The following VSIG10 variants were observed in gnomAD, a reference collection of about 807,000 sequenced individuals.
VSIG10 encodes the protein V-set and immunoglobulin domain containing 10.
Under a neutral mutation model 58.7 loss-of-function variants are expected in VSIG10, and 48 were observed. The observed-to-expected ratio is 0.82, with a 90% CI of 0.65 to 1.04. The LOEUF (loss-of-function observed/expected upper bound fraction) is 1.04, where lower values mean the gene tolerates loss of function less well. Ranked by LOEUF, VSIG10 falls within the 50% of genes least tolerant of loss-of-function variation. The pLI, the probability that VSIG10 is intolerant of heterozygous loss-of-function variation, is 0.00. For synonymous variants in VSIG10, 260 were observed against 267.1 expected (o/e 0.97, Z 0.26); for missense variants, 628 against 670.0 (o/e 0.94, Z 0.69).
intron 2 of VSIG10, among the ~76,000 whole-genome samples, chr12:118,086,252 C>T (rs1251947276): frequency 2.0e-5 from 3 of 151,930 alleles, no homozygotes; most frequent in Non-Finnish European, 4.4e-5. Flanking sequence ...CACTTGAGGT[C>T]AGGAGTTCAA....
intron 2 of VSIG10, among the ~76,000 whole-genome samples, chr12:118,088,692 C>T (rs906726613): frequency 6.6e-6 from 1 of 152,092 alleles, no homozygotes; most frequent in Non-Finnish European, 1.5e-5. Context: ...AGAGAGGAGT[C>T]TGCTGTTTAG....
At chr12:118,070,584 A>G (rs1002750844) in intron 7 of VSIG10, among the ~76,000 whole-genome samples, 10 of 152,018 alleles carry the variant, frequency 6.6e-5, no homozygotes, top group African/African-American at 2.2e-4. Context: ...AAAAGAAAAA[A>G]AAACTTAAGA....
At chr12:118,069,973 G>C (rs2064020601) in intron 7 of VSIG10, among the ~76,000 whole-genome samples, 1 of 152,128 alleles carries the variant, frequency 6.6e-6, no homozygotes, top group African/African-American at 2.4e-5. Flanking sequence ...CCTCCAGTGA[G>C]AAATAAGCCC....
Position 118,068,537 on chromosome 12 carries a change from C to G in VSIG10, c.1407G>C (p.Glu469Asp). The G allele has an allele frequency of 6.2e-7, 1 of 1,605,384 alleles. No homozygotes were observed. Among genetic ancestry groups the G allele is most frequent in the Non-Finnish European group, 8.5e-7 (1 of 1,175,450 alleles). ...CTGCAGCATCTTCCTCCTCCTCCTC[C>G]TCCTCCTCCTCTTCCTCTTCTGAAT... The part of the protein sequence containing the change: ...LVDSEEEEEE[E>D]EEEEEDAAVG... The change falls in exon 8 of 9, where the codon GAG becomes GAC. Residue 469 changes from glutamate (E) to aspartate (D), a missense_variant. Physicochemically the swap from Glu to Asp is conservative, Grantham distance 45. Coordinates refer to ENST00000359236, the MANE Select transcript of VSIG10 (RefSeq NM_019086.6).
intron 2 of VSIG10, among the ~76,000 whole-genome samples, chr12:118,083,712 T>C (rs7969629): frequency 0.5 from 75,666 of 151,926 alleles, 19,346 homozygotes; most frequent in Admixed American, 0.61. Context: ...GACAGGATTT[T>C]GCCATGTTGC....
intron 1 of VSIG10, among the ~76,000 whole-genome samples, chr12:118,098,409 A>C (rs2033532545): frequency 6.7e-6 from 1 of 149,410 alleles, no homozygotes; most frequent in African/African-American, 2.5e-5. Flanking sequence ...ATCTCTCTCC[A>C]TCTCAAATGG....
chr12:118,066,688 C>T lies in VSIG10; in HGVS notation c.1574G>A (p.Ser525Asn). ...AACAATGTCACTTTGCTCCTCACTG[C>T]TGTCATCTGTATGGGGGGAAATAAA... ...GNGFQDLQDD[S>N]SEEQSDIVQE... Residue 525 changes from serine to asparagine, a missense_variant, in exon 9 of 9, where the codon AGC becomes AAC. Physicochemically the swap from Ser to Asn is conservative, Grantham distance 46. Coordinates refer to ENST00000359236, the MANE Select transcript of VSIG10 (RefSeq NM_019086.6). 1 of 1,609,396 alleles carries T rather than the reference C, an allele frequency of 6.2e-7. No individual in the cohort carries two copies. The highest frequency in any genetic ancestry group is 8.5e-7 in the Non-Finnish European group (1 of 1,177,326).
At chr12:118,075,128 GTATATATGTATATATGTGTATATGTA>G (rs2032664635) in intron 4 of VSIG10, among the ~76,000 whole-genome samples, 3 of 140,774 alleles carry the variant, frequency 2.1e-5, no homozygotes, top group Non-Finnish European at 4.6e-5. Flanking sequence ...ATATATATGT[GTATATATGTATATATGTGTATATGTA>G]TATATATGTA....
chr12:118,081,147 G>A (rs530261219), intron 3 of VSIG10, among the ~76,000 whole-genome samples: 2 of 152,018 alleles, frequency 1.3e-5, no homozygotes, highest in East Asian at 4.0e-4. Context: ...AGGCTGAGGT[G>A]TGAGAACTGA....
chr12:118,064,416 TTC>T lies in VSIG10; in HGVS notation c.*2221_*2222del, dbSNP rs2032178494. ...AATATCCCAGTGATCCTACAAAACA[TTC>T]TCTGTGTTCCTAGCTAGGGTTTTTT... is the stretch of plus-strand genomic sequence containing the variant. On this transcript the variant is annotated 3_prime_UTR_variant, in exon 9 of 9. Coordinates refer to ENST00000359236, the MANE Select transcript of VSIG10 (RefSeq NM_019086.6). 1.3e-5 allele frequency: 2 copies of T among 150,518 alleles called. No homozygotes were observed. The highest frequency in any genetic ancestry group is 6.7e-5 in the Admixed American group (1 of 14,962). The allele number at this position is 150,518 out of a possible 1,614,324, so 9.3% of individuals were successfully genotyped here.
chr12:118,095,461 C>T, intron 2 of VSIG10, 72 bp downstream of exon 2: 2 of 1,576,158 alleles, frequency 1.3e-6, no homozygotes, highest in Non-Finnish European at 1.7e-6. Context: ...AACCCATATT[C>T]CTGACCATGG....
intron 2 of VSIG10, among the ~76,000 whole-genome samples, chr12:118,088,342 T>A (rs562539781): frequency 1.3e-5 from 2 of 151,674 alleles, no homozygotes; most frequent in Non-Finnish European, 2.9e-5. Context: ...AACCACTGGA[T>A]CCAGTTCAAG....
chr12:118,064,250 T>TCTGA lies in VSIG10; in HGVS notation c.*2388_*2389insTCAG. ...TTACTGTGCACACAGGACTCAGATA[T>TCTGA]GTGACAGCAGTCACAGCTCAGCTGG... is the stretch of plus-strand genomic sequence containing the variant. On this transcript the variant is annotated 3_prime_UTR_variant, in exon 9 of 9. Transcript: ENST00000359236. The TCTGA allele has an allele frequency of 6.6e-6, 1 of 152,310 alleles. No individual in the cohort carries two copies. Among genetic ancestry groups the TCTGA allele is most frequent in the African/African-American group, 2.4e-5 (1 of 41,570 alleles). 9.4% of individuals were successfully genotyped at this position (152,310 alleles called of 1,614,324 possible). A position where few individuals can be genotyped will look rare whatever the true frequency, so the allele number is the denominator to read the frequency against.
chr12:118,084,236 T>C (rs1331530254), intron 2 of VSIG10, among the ~76,000 whole-genome samples: 1 of 152,180 alleles, frequency 6.6e-6, no homozygotes, highest in Non-Finnish European at 1.5e-5. Flanking sequence ...CTTCTTTCCT[T>C]ACCCACCACA....
chr12:118,087,792 C>A (rs2033168533), intron 2 of VSIG10, among the ~76,000 whole-genome samples: 1 of 144,600 alleles, frequency 6.9e-6, no homozygotes, highest in South Asian at 2.2e-4. Flanking sequence ...GAGCCGAAAT[C>A]ACACCACTGC....
intron 2 of VSIG10, among the ~76,000 whole-genome samples, chr12:118,093,449 T>G (rs2033357330): frequency 6.6e-6 from 1 of 151,892 alleles, no homozygotes; most frequent in South Asian, 2.1e-4. Flanking sequence ...GCTCAAATGA[T>G]TCTCCCACCT....
intron 2 of VSIG10, among the ~76,000 whole-genome samples, chr12:118,094,737 A>G (rs918554001): frequency 1.5e-5 from 2 of 132,904 alleles, no homozygotes; most frequent in Admixed American, 1.6e-4. Flanking sequence ...AGAAGCAATA[A>G]TTTTTTTTTT....
At chr12:118,071,550 T>C in intron 5 of VSIG10, 81 bp from the exon 6 acceptor site, 1 of 1,300,472 alleles carries the variant, frequency 7.7e-7, no homozygotes, top group Non-Finnish European at 1.1e-6. Flanking sequence ...TCTGCGTGGA[T>C]CCAGTTCTTG....
At chr12:118,067,232 A>C (rs1187170672) in intron 8 of VSIG10, among the ~76,000 whole-genome samples, 2 of 151,890 alleles carry the variant, frequency 1.3e-5, no homozygotes, top group Non-Finnish European at 2.9e-5. Flanking sequence ...CCATGTTCCC[A>C]AGGCTAGTCT....
Sources: gnomAD v4.1 joint callset for allele counts (sites outside exome capture counted in the v4.1 genomes callset) on GRCh38, gnomAD v4.1.1 for gene constraint, MANE v1.5 for transcripts, NCBI Gene and HGNC (gene_info 2026-07-23, HGNC 2026-07-21) for gene names.